Variants in TTC28 observed in about 807,000 individuals in gnomAD.
The protein encoded by TTC28 is tetratricopeptide repeat domain 28.
A neutral mutation model predicts 198.0 loss-of-function variants in TTC28; 61 were observed. The ratio of observed to expected loss-of-function variants is 0.31; its 90% CI spans 0.25 to 0.38. The LOEUF (loss-of-function observed/expected upper bound fraction) is 0.38, where lower values mean the gene tolerates loss of function less well. Among genes scored for constraint, TTC28 ranks in the 10% least tolerant of loss-of-function variants. The pLI is 1.00. For missense variants in TTC28, 2,678 were observed against 3,164.0 expected (o/e 0.85, Z 3.69); for synonymous variants, 1,171 against 1,297.8 (o/e 0.90, Z 2.10).
chr22:28,676,765 T>C (rs1319642594), intron 1 of TTC28, among the ~76,000 whole-genome samples: 5 of 151,524 alleles, frequency 3.3e-5, no homozygotes, highest in African/African-American at 1.2e-4. Context: ...ACAGTTGTGC[T>C]TCCAGCTACT....
intron 5 of TTC28, among the ~76,000 whole-genome samples, chr22:28,291,142 C>T (rs1373867571): frequency 6.6e-6 from 1 of 151,832 alleles, no homozygotes; most frequent in Non-Finnish European, 1.5e-5. Context: ...GAATGATTCT[C>T]TAAAATCTAA....
intron 2 of TTC28, among the ~76,000 whole-genome samples, chr22:28,442,426 C>T (rs1019530829): frequency 2.0e-5 from 3 of 152,208 alleles, no homozygotes; most frequent in African/African-American, 7.2e-5. Flanking sequence ...CCCAGCGGGG[C>T]CCTGGGGAAA....
chr22:28,099,920 G>A (rs184786401), intron 9 of TTC28, among the ~76,000 whole-genome samples: 1 of 152,290 alleles, frequency 6.6e-6, no homozygotes, highest in Admixed American at 6.5e-5. Flanking sequence ...GATCATCACT[G>A]GGCAAGCTCC....
chr22:28,040,265 C>T (rs1939564524), intron 12 of TTC28, among the ~76,000 whole-genome samples: 1 of 152,128 alleles, frequency 6.6e-6, no homozygotes, highest in African/African-American at 2.4e-5. Context: ...GATACCAAAG[C>T]CTGGCAGAGA....
intron 2 of TTC28, among the ~76,000 whole-genome samples, chr22:28,406,872 T>C (rs1017150342): frequency 6.6e-6 from 1 of 152,194 alleles, no homozygotes; most frequent in African/African-American, 2.4e-5. Context: ...TGTTAATTCA[T>C]GGAAAAGCTT....
At chr22:28,244,364 A>C (rs1428887604) in intron 5 of TTC28, among the ~76,000 whole-genome samples, 1 of 152,204 alleles carries the variant, frequency 6.6e-6, no homozygotes, top group African/African-American at 2.4e-5. Flanking sequence ...CAACCACTAC[A>C]TTTACAGCTA....
At chr22:28,555,285 A>C (rs191142205) in intron 2 of TTC28, among the ~76,000 whole-genome samples, 1 of 152,356 alleles carries the variant, frequency 6.6e-6, no homozygotes, top group East Asian at 1.9e-4. Flanking sequence ...AACAGTGTGG[A>C]GACTCATTAA....
At chr22:28,158,030 CA>C (rs200895507) in intron 6 of TTC28, among the ~76,000 whole-genome samples, 2 of 149,870 alleles carry the variant, frequency 1.3e-5, no homozygotes, top group South Asian at 2.1e-4. Flanking sequence ...AAGACTCCAT[CA>C]AAAAAAAACC....
At chr22:27,988,281 C>CTTTTTTT (rs138641) in intron 21 of TTC28, among the ~76,000 whole-genome samples, 4 of 99,428 alleles carry the variant, frequency 4.0e-5, no homozygotes, top group African/African-American at 1.6e-4. Context: ...AAGAAGCTTG[C>CTTTTTTT]TTTTTTTTTT....
intron 13 of TTC28, among the ~76,000 whole-genome samples, chr22:28,018,580 C>T (rs1328282018): frequency 2.6e-5 from 4 of 152,194 alleles, no homozygotes; most frequent in South Asian, 2.1e-4. Flanking sequence ...TAGCTCTTCA[C>T]GCAGCAGCTG....
At position 28,338,727 on chromosome 22, in the gene TTC28, G is replaced by C. The variant is rs1015811616; in HGVS notation, c.382-32084C>G. On this transcript the variant is annotated intron_variant, in intron 2 of 22. Transcript: ENST00000397906. ...GGACTTCTCTGCATTGGTTATTCTAGTTAGCCATTTGTCTAATTTTTTTTC... is the reference window on the plus strand; with the variant it reads ...GGACTTCTCTGCATTGGTTATTCTACTTAGCCATTTGTCTAATTTTTTTTC... Among the ~76,000 whole-genome samples, 12 of 152,158 alleles carry C rather than the reference G, an allele frequency of 7.9e-5. 1 individual carries two copies. Among genetic ancestry groups the C allele is most frequent in the African/African-American group, 2.9e-4 (12 of 41,522 alleles).
intron 2 of TTC28, among the ~76,000 whole-genome samples, chr22:28,501,543 A>G (rs1347136696): frequency 6.6e-6 from 1 of 152,202 alleles, no homozygotes; most frequent in Non-Finnish European, 1.5e-5. Flanking sequence ...CTAAGTAAAG[A>G]GAACTTGAAA....
chr22:28,035,580 C>T (rs1165729478), intron 12 of TTC28, among the ~76,000 whole-genome samples: 2 of 152,168 alleles, frequency 1.3e-5, no homozygotes, highest in Non-Finnish European at 2.9e-5. Flanking sequence ...GATGACAATA[C>T]CATGGGCACT....
chr22:28,288,789 G>A (rs1295836453), intron 5 of TTC28, among the ~76,000 whole-genome samples: 1 of 150,640 alleles, frequency 6.6e-6, no homozygotes, highest in Non-Finnish European at 1.5e-5. Context: ...CTACAGCCTG[G>A]GCGACAGAGC....
chr22:28,424,711 A>T (rs901790153), intron 2 of TTC28, among the ~76,000 whole-genome samples: 3 of 152,196 alleles, frequency 2.0e-5, no homozygotes, highest in African/African-American at 7.2e-5. Flanking sequence ...ATACCAAACT[A>T]TAACCACATT....
At chr22:28,551,204 C>A (rs1601554225) in intron 2 of TTC28, among the ~76,000 whole-genome samples, 1 of 151,906 alleles carries the variant, frequency 6.6e-6, no homozygotes, top group African/African-American at 2.4e-5. Flanking sequence ...TCGGGACAGA[C>A]CAATAACAGC....
intron 21 of TTC28, among the ~76,000 whole-genome samples, 177 bp from the exon 22 acceptor site, chr22:27,985,533 C>A (rs186471850): frequency 1.6e-4 from 25 of 152,308 alleles, no homozygotes; most frequent in Non-Finnish European, 1.9e-4. Flanking sequence ...GCAGAGGGGT[C>A]GGGCTGCCCC....
chr22:28,404,026 G>A (rs550345179), intron 2 of TTC28, among the ~76,000 whole-genome samples: 1 of 152,234 alleles, frequency 6.6e-6, no homozygotes, highest in African/African-American at 2.4e-5. Flanking sequence ...TTCTCAAATG[G>A]CAGGCTCCAG....
rs11362041 is a variant in TTC28, at chr22:28,043,242, C to CAAAAAAAAAAAAAAA, written c.3933-12891_3933-12877dup. Among the ~76,000 whole-genome samples the CAAAAAAAAAAAAAAA allele has an allele frequency of 1.8e-3, 117 of 65,574 alleles. 20 individuals carry two copies. Among genetic ancestry groups the CAAAAAAAAAAAAAAA allele is most frequent in the African/African-American group, 4.4e-3 (73 of 16,418 alleles). The allele number at this position is 65,574 out of a possible 152,430, so 43.0% of individuals were successfully genotyped here. On this transcript the variant is annotated intron_variant, in intron 12 of 22. Coordinates refer to ENST00000397906, the MANE Select transcript of TTC28 (RefSeq NM_001145418.2). ...TGCATAACAGAGTAAGACTCCATCT[C>CAAAAAAAAAAAAAAA]AAAAAAAAAAAAAAAAAAAAAAAAA...
Sources: gnomAD v4.1 joint callset for allele counts (sites outside exome capture counted in the v4.1 genomes callset) on GRCh38, gnomAD v4.1.1 for gene constraint, MANE v1.5 for transcripts, NCBI Gene and HGNC (gene_info 2026-07-23, HGNC 2026-07-21) for gene names.